The following CRADD variants were observed in gnomAD, a reference collection of about 807,000 sequenced individuals.
The protein encoded by CRADD is death domain-containing protein CRADD.
Under a neutral mutation model 15.5 loss-of-function variants are expected in CRADD, and 9 were observed. The observed-to-expected ratio is 0.58, with a 90% confidence interval of 0.35 to 1.01. The LOEUF (loss-of-function observed/expected upper bound fraction) is 1.01. Ranked by LOEUF, CRADD falls within the 50% of genes least tolerant of loss-of-function variation. The pLI, the probability that CRADD is intolerant of heterozygous loss-of-function variation, is 0.02. For synonymous variants in CRADD, 118 were observed against 107.6 expected, an observed-to-expected ratio of 1.10 and a Z score of -0.60; for missense variants, 227 against 250.3, an observed-to-expected ratio of 0.91 and a Z score of 0.63.
In CRADD at chr12:93,819,692, C is replaced by T. The variant is rs374432871; in HGVS notation, c.299-30278C>T. Among the ~76,000 whole-genome samples, 4 of 152,228 alleles carry T rather than the reference C, an allele frequency of 2.6e-5. 1 individual carries two copies. Among genetic ancestry groups the T allele is most frequent in the East Asian group, 1.9e-4 (1 of 5,204 alleles). The stretch of plus-strand genomic sequence containing the variant: ...AGAACAATGCCTGTTAGGGCAAACA[C>T]TATAGAAGTACTTGTTACTTGGTGT... On this transcript the variant is annotated intron_variant, in intron 2 of 2. Transcript: ENST00000332896.
intron 2 of CRADD, among the ~76,000 whole-genome samples, chr12:93,711,055 CTT>C (rs397850463): frequency 4.6e-5 from 2 of 43,504 alleles, no homozygotes; most frequent in South Asian, 1.3e-3. Context: ...CCACCCCCGC[CTT>C]TTTTTTTTTT....
chr12:93,815,256 T>G (rs945030837), intron 2 of CRADD: 11 of 152,268 alleles, frequency 7.2e-5, no homozygotes, highest in African/African-American at 2.2e-4. Flanking sequence ...GAGGTAAGAT[T>G]GTACTTTATT....
At chr12:93,763,203 T>C (rs1174954369) in intron 2 of CRADD, among the ~76,000 whole-genome samples, 1 of 152,270 alleles carries the variant, frequency 6.6e-6, no homozygotes, top group Non-Finnish European at 1.5e-5. Flanking sequence ...ACTTCTGACC[T>C]GACCTTTTCC....
intron 2 of CRADD, among the ~76,000 whole-genome samples, chr12:93,705,789 A>T (rs1229806348): frequency 1.3e-5 from 2 of 152,234 alleles, no homozygotes; most frequent in African/African-American, 4.8e-5. Context: ...TTGAACTTTC[A>T]TTTGATTGTC....
At chr12:93,823,678 C>T (rs903294656) in intron 2 of CRADD, among the ~76,000 whole-genome samples, 2 of 152,086 alleles carry the variant, frequency 1.3e-5, no homozygotes, top group African/African-American at 4.8e-5. Context: ...CTAACTTTGT[C>T]TTTTTAGAAG....
At chr12:93,687,463 A>G (rs747015854) in intron 2 of CRADD, among the ~76,000 whole-genome samples, 42 of 152,084 alleles carry the variant, frequency 2.8e-4, no homozygotes, top group Non-Finnish European at 4.7e-4. Context: ...CCATTACACA[A>G]TCTCTGGAGG....
At chr12:93,827,349 C>T (rs535707612) in intron 2 of CRADD, among the ~76,000 whole-genome samples, 2 of 152,124 alleles carry the variant, frequency 1.3e-5, no homozygotes, top group Admixed American at 6.5e-5. Flanking sequence ...ACTTGCACTC[C>T]GCATAATTAT....
At chr12:93,707,565 T>C (rs1333316896) in intron 2 of CRADD, among the ~76,000 whole-genome samples, 1 of 152,054 alleles carries the variant, frequency 6.6e-6, no homozygotes, top group Non-Finnish European at 1.5e-5. Flanking sequence ...TCCCAAAATG[T>C]GAGGATGGAA....
chr12:93,849,055 T>G (rs977127447), intron 2 of CRADD: 2 of 152,250 alleles, frequency 1.3e-5, no homozygotes, highest in African/African-American at 4.8e-5. Flanking sequence ...AGCAGCCCTC[T>G]TGGCTCTGGC....
rs186842995 is a variant in CRADD at position 93,780,489 on chromosome 12, G to A, written c.299-69481G>A. On this transcript the variant is annotated intron_variant, in intron 2 of 2. Transcript: ENST00000332896. The stretch of plus-strand genomic sequence containing the variant: ...TGAAGTTACACAGTCGGTAAATGAT[G>A]GGCTGGGATTCAGATCAAGGTCTGA... Among the ~76,000 whole-genome samples the A allele has an allele frequency of 3.1e-3, 470 of 152,304 alleles. 4 individuals carry two copies. Among genetic ancestry groups the A allele is most frequent in the Middle Eastern group, 0.027 (8 of 294 alleles).
intron 2 of CRADD, among the ~76,000 whole-genome samples, chr12:93,724,130 C>CT (rs1425708478): frequency 1.3e-5 from 2 of 152,048 alleles, no homozygotes; most frequent in Non-Finnish European, 2.9e-5. Context: ...AATCCCAGCA[C>CT]TTACTTTGGG....
At chr12:93,727,371 A>T (rs1956386986) in intron 2 of CRADD, among the ~76,000 whole-genome samples, 1 of 152,206 alleles carries the variant, frequency 6.6e-6, no homozygotes, top group Admixed American at 6.5e-5. Context: ...AGGAGTAAAT[A>T]GTTCATCCAA....
intron 2 of CRADD, among the ~76,000 whole-genome samples, chr12:93,780,918 T>A (rs1957202097): frequency 6.6e-6 from 1 of 150,594 alleles, no homozygotes; most frequent in African/African-American, 2.5e-5. Context: ...AGCTATTTTT[T>A]TTTTTTTTTG....
At chr12:93,782,660 T>C (rs1957225081) in intron 2 of CRADD, among the ~76,000 whole-genome samples, 1 of 151,530 alleles carries the variant, frequency 6.6e-6, no homozygotes, top group Non-Finnish European at 1.5e-5. Context: ...TGTTTGGAAC[T>C]TGATTTGAAC....
chr12:93,815,469 CACA>C (rs926146053), intron 2 of CRADD: 10 of 152,198 alleles, frequency 6.6e-5, no homozygotes, highest in African/African-American at 2.4e-4. Flanking sequence ...TACTGAAATA[CACA>C]ACATTTTCTG....
intron 2 of CRADD, among the ~76,000 whole-genome samples, chr12:93,842,006 AT>A (rs1358590236): frequency 1.4e-4 from 22 of 152,284 alleles, no homozygotes; most frequent in Admixed American, 4.6e-4. Flanking sequence ...ATAAAAAAAA[AT>A]ACCTGCTTAC....
chr12:93,756,535 C>T (rs1018349185), intron 2 of CRADD, among the ~76,000 whole-genome samples: 12 of 152,292 alleles, frequency 7.9e-5, no homozygotes, highest in African/African-American at 2.6e-4. Context: ...AGGTCTAGAG[C>T]GGAGCTGGTT....
At chr12:93,890,768 T>TTC (rs936036004) in intron 2 of CRADD, among the ~76,000 whole-genome samples, 12 of 151,630 alleles carry the variant, frequency 7.9e-5, no homozygotes, top group African/African-American at 2.9e-4. Context: ...TCTTTCTTTT[T>TTC]TTTTTTTTGA....
intron 2 of CRADD, among the ~76,000 whole-genome samples, chr12:93,813,490 G>A (rs975386218): frequency 5.3e-5 from 8 of 152,140 alleles, no homozygotes; most frequent in East Asian, 1.9e-4. Context: ...TTTCCTTTAC[G>A]GATCTGTGAT....
Sources: allele counts gnomAD v4.1 joint callset (sites outside exome capture counted in the v4.1 genomes callset), GRCh38; gene constraint gnomAD v4.1.1; transcripts MANE v1.5; gene names NCBI Gene and HGNC (gene_info 2026-07-23, HGNC 2026-07-21).